Variants in PLAA observed in about 807,000 individuals in gnomAD.
The protein encoded by PLAA is phospholipase A2 activating protein, also known as phospholipase A-2-activating protein.
In PLAA, 48 loss-of-function variants were observed where a neutral mutation model predicts 84.1. The ratio of observed to expected loss-of-function variants is 0.57; its 90% CI spans 0.45 to 0.73. The LOEUF (loss-of-function observed/expected upper bound fraction) is 0.73. Among genes scored for constraint, PLAA ranks in the 30% least tolerant of loss-of-function variants. The pLI, the probability that PLAA is intolerant of heterozygous loss-of-function variation, is 0.00. For synonymous variants in PLAA, 392 were observed against 336.6 expected, an observed-to-expected ratio of 1.16 and a Z score of -1.80; for missense variants, 903 against 954.7, an observed-to-expected ratio of 0.95 and a Z score of 0.71.
chr9:26,916,400 CT>C, intron 10 of PLAA: 1 of 986,994 alleles, frequency 1.0e-6, no homozygotes, highest in Non-Finnish European at 1.2e-6. Flanking sequence ...AACTCTGGCA[CT>C]TTTTCCAGTA....
Position 26,905,627 on chromosome 9 carries a change from T to C in PLAA, c.2272A>G (p.Asn758Asp), listed in dbSNP as rs778902093. ...ALGTLISDDS[N>D]AVQLAKSLGV... is the part of the protein sequence containing the mutation. Reference sequence around the variant, plus strand: ...AAAGACTTGGCTAATTGTACAGCATTTGAATCATCACTGATAAGTGTTCCA... The same window carrying C: ...AAAGACTTGGCTAATTGTACAGCATCTGAATCATCACTGATAAGTGTTCCA... The change falls in exon 14 of 14, where the codon AAT becomes GAT. Residue 758 changes from asparagine (N) to aspartate (D), a missense_variant. Coordinates refer to ENST00000397292, the MANE Select transcript of PLAA (RefSeq NM_001031689.3). 20 of 1,614,032 alleles carry C rather than the reference T, an allele frequency of 1.2e-5. No individual in the cohort carries two copies. The highest frequency in any genetic ancestry group is 1.3e-5 in the Non-Finnish European group (15 of 1,179,984).
At chr9:26,916,580 G>C (rs547662098) in intron 10 of PLAA, 1 of 987,106 alleles carries the variant, frequency 1.0e-6, no homozygotes, top group East Asian at 1.1e-4. Context: ...TGCCTGGGGA[G>C]ACTTCTTGAT....
At chr9:26,926,253 T>G (rs139711394) in intron 5 of PLAA, 140 bp downstream of exon 5, 1 of 620,264 alleles carries the variant, frequency 1.6e-6, no homozygotes. Flanking sequence ...AGGAGAAAGA[T>G]ACTTAATGAA....
At chr9:26,909,475 A>T (rs1181938175) in intron 12 of PLAA, among the ~76,000 whole-genome samples, 1 of 152,206 alleles carries the variant, frequency 6.6e-6, no homozygotes, top group African/African-American at 2.4e-5. Flanking sequence ...TGTTAACCCA[A>T]TTAATTCTCA....
At chr9:26,925,538 C>A (rs1440510701) in intron 6 of PLAA, among the ~76,000 whole-genome samples, 3 of 152,228 alleles carry the variant, frequency 2.0e-5, no homozygotes, top group African/African-American at 7.2e-5. Context: ...CCACACCAAT[C>A]TCTACCTTCT....
At chr9:26,941,399 C>G (rs531261545) in intron 1 of PLAA, among the ~76,000 whole-genome samples, 36 of 152,110 alleles carry the variant, frequency 2.4e-4, no homozygotes, top group Non-Finnish European at 4.6e-4. Context: ...ATCCTCTAGG[C>G]AGCAGATCAG....
At chr9:26,933,682 G>A (rs1024107195) in intron 2 of PLAA, among the ~76,000 whole-genome samples, 2 of 149,278 alleles carry the variant, frequency 1.3e-5, no homozygotes, top group African/African-American at 4.9e-5. Flanking sequence ...CCAGCTACTC[G>A]GCAGGCTGAG....
intron 7 of PLAA, among the ~76,000 whole-genome samples, chr9:26,922,326 A>C (rs1824792841): frequency 6.6e-6 from 1 of 151,698 alleles, no homozygotes; most frequent in South Asian, 2.1e-4. Flanking sequence ...AGTAGAACAT[A>C]GTAACTTACC....
chr9:26,913,289 T>C (rs533379818), intron 11 of PLAA, among the ~76,000 whole-genome samples: 70 of 152,252 alleles, frequency 4.6e-4, no homozygotes, highest in Admixed American at 5.9e-4. Context: ...GAGGAAAACA[T>C]GCCAGCACAT....
intron 12 of PLAA, 118 bp from the exon 13 acceptor site, chr9:26,908,116 C>G: frequency 1.6e-6 from 1 of 635,408 alleles, no homozygotes; most frequent in Non-Finnish European, 2.6e-6. Context: ...TAAGACTTTA[C>G]TCAGCAATTA....
intron 13 of PLAA, 28 bp downstream of exon 13, chr9:26,907,806 G>C (rs527938551): frequency 1.3e-6 from 2 of 1,565,990 alleles, no homozygotes. Context: ...TTGCTTTCTG[G>C]TTACATTTTT....
chr9:26,924,841 G>C (rs1824888210), intron 6 of PLAA, among the ~76,000 whole-genome samples: 1 of 151,962 alleles, frequency 6.6e-6, no homozygotes, highest in South Asian at 2.1e-4. Flanking sequence ...TTTGCTTTTG[G>C]AAGCTTTGCG....
intron 13 of PLAA, 46 bp downstream of exon 13, chr9:26,907,787 TA>T: frequency 6.7e-7 from 1 of 1,497,150 alleles, no homozygotes; most frequent in Non-Finnish European, 9.1e-7. Flanking sequence ...GAAATGAAGA[TA>T]AAACTTCTTG....
rs577597327 is a variant in PLAA at position 26,942,710 on chromosome 9, G to A, written c.149+4187C>T. ...ATCCTGGCTAACACTGTGAAACCCC[G>A]TCTCTACTAAAAATACAAAAAATTA... is the stretch of plus-strand genomic sequence containing the variant. On this transcript the variant is annotated intron_variant, in intron 1 of 13. Transcript: ENST00000397292. 1.8e-4 allele frequency among the ~76,000 whole-genome samples: 28 copies of A among 152,014 alleles called. No individual in the cohort carries two copies. The South Asian group carries it at 3.7e-3, about 20-fold the overall frequency.
At position 26,903,867 on chromosome 9, in the gene PLAA, C is replaced by A. The variant is rs1466135688; in HGVS notation, c.*1644G>T. On this transcript the variant is annotated 3_prime_UTR_variant, in exon 14 of 14. Coordinates refer to ENST00000397292, the MANE Select transcript of PLAA (RefSeq NM_001031689.3). ...ATTCTTAACCAAGACTGTTTCTTAT[C>A]ATTATTCAAAGGTACCTACTTTTCC... Among the ~76,000 whole-genome samples the A allele has an allele frequency of 1.3e-5, 2 of 152,158 alleles. No individual in the cohort carries two copies. Among genetic ancestry groups the A allele is most frequent in the Non-Finnish European group, 2.9e-5 (2 of 68,010 alleles).
At chr9:26,912,263 CA>C (rs1205840290) in intron 11 of PLAA, among the ~76,000 whole-genome samples, 1 of 151,932 alleles carries the variant, frequency 6.6e-6, no homozygotes, top group Non-Finnish European at 1.5e-5. Flanking sequence ...ATAAGTATGC[CA>C]AAAGAAAACA....
At chr9:26,914,597 GATTA>G (rs1161170455) in intron 10 of PLAA, among the ~76,000 whole-genome samples, 2 of 149,336 alleles carry the variant, frequency 1.3e-5, no homozygotes, top group African/African-American at 2.5e-5. Context: ...AAAAAAGTAA[GATTA>G]ATTAAAATAA....
intron 2 of PLAA, among the ~76,000 whole-genome samples, chr9:26,930,394 C>T (rs956693581): frequency 6.6e-6 from 1 of 151,700 alleles, no homozygotes; most frequent in Non-Finnish European, 1.5e-5. Context: ...TGAGCCACTT[C>T]GCCCAGCCAA....
Position 26,925,932 on chromosome 9 carries a change from A to C in PLAA, c.762T>G (p.Ser254=), listed in dbSNP as rs748089025. 6.2e-7 allele frequency: 1 copy of C among 1,613,580 alleles called. No homozygotes were observed. The highest frequency in any genetic ancestry group is 1.1e-5 in the South Asian group (1 of 91,082). The stretch of plus-strand genomic sequence containing the variant: ...ATTCCCCATGTTTCCAGATTCTCAG[A>C]GATCTGTCCTCTGCTGTTGTCACAA... ...RDFVTTAEDR[S]LRIWKHGECA... The change falls in exon 6 of 14, where the codon TCT becomes TCG. Residue 254 remains serine (S), a synonymous_variant. Transcript: ENST00000397292.
Sources: allele counts gnomAD v4.1 joint callset (sites outside exome capture counted in the v4.1 genomes callset), GRCh38; gene constraint gnomAD v4.1.1; transcripts MANE v1.5; gene names NCBI Gene and HGNC (gene_info 2026-07-23, HGNC 2026-07-21).